ITGBL1: variants seen among roughly 807,000 people sequenced by gnomAD.
ITGBL1 encodes the protein integrin subunit beta like 1.
In ITGBL1, 51 loss-of-function variants were observed where a neutral mutation model predicts 68.5. The ratio of observed to expected loss-of-function variants is 0.74; its 90% CI spans 0.59 to 0.94. The LOEUF (loss-of-function observed/expected upper bound fraction) is 0.94. ITGBL1 is among the 40% of genes least tolerant of loss of function. The pLI, the probability that ITGBL1 is intolerant of heterozygous loss-of-function variation, is 0.00. For synonymous variants in ITGBL1, 209 were observed against 227.3 expected (o/e 0.92, Z 0.72); for missense variants, 649 against 647.4 (o/e 1.00, Z -0.03).
chr13:101,637,763 T>C (rs748169106), intron 7 of ITGBL1, among the ~76,000 whole-genome samples: 2 of 152,236 alleles, frequency 1.3e-5, no homozygotes, highest in Non-Finnish European at 2.9e-5. Flanking sequence ...GCATACCATA[T>C]CTGGCTACAG....
At chr13:101,506,595 C>G (rs1256339674) in intron 2 of ITGBL1, among the ~76,000 whole-genome samples, 1 of 152,202 alleles carries the variant, frequency 6.6e-6, no homozygotes, top group Non-Finnish European at 1.5e-5. Flanking sequence ...GCTTCCATAC[C>G]TCTACCAACC....
Position 101,514,609 on chromosome 13 carries a change from C to T in ITGBL1, c.317-53090C>T, listed in dbSNP as rs187163431. ...CAAATTAATTGTATCTATTAATAACCGTATCTGTTAATATTATGAAATTTC... is the reference window on the plus strand; with the variant it reads ...CAAATTAATTGTATCTATTAATAACTGTATCTGTTAATATTATGAAATTTC... On this transcript the variant is annotated intron_variant, in intron 2 of 10. Transcript: ENST00000376180. 3.9e-5 allele frequency among the ~76,000 whole-genome samples: 6 copies of T among 152,062 alleles called. No individual in the cohort carries two copies. In the East Asian group the frequency reaches 5.8e-4, roughly 15 times the overall value.
intron 6 of ITGBL1, among the ~76,000 whole-genome samples, chr13:101,595,417 A>G (rs1244782722): frequency 6.6e-6 from 1 of 152,152 alleles, no homozygotes; most frequent in East Asian, 1.9e-4. Context: ...ACCAGGCCCC[A>G]TCTCTAGTTT....
chr13:101,659,413 A>C (rs546825684), intron 7 of ITGBL1, among the ~76,000 whole-genome samples: 1 of 152,324 alleles, frequency 6.6e-6, no homozygotes, highest in East Asian at 1.9e-4. Flanking sequence ...TTCTCCCAGT[A>C]GCCTTTCTCA....
Position 101,532,574 on chromosome 13 carries a change from C to T in ITGBL1, c.317-35125C>T, listed in dbSNP as rs114429912. On this transcript the variant is annotated intron_variant, in intron 2 of 10. Coordinates refer to ENST00000376180, the MANE Select transcript of ITGBL1 (RefSeq NM_004791.3). ...CTGCTGGTGAAGTCTTCTTCACTCT[C>T]TGGTGCTTAAGATTAGAAAGAAAAA... Among the ~76,000 whole-genome samples, 3 of 152,210 alleles carry T rather than the reference C, an allele frequency of 2.0e-5. No homozygotes were observed. In the East Asian group the frequency reaches 5.8e-4, roughly 29 times the overall value.
chr13:101,677,200 A>AG (rs2033526650), intron 7 of ITGBL1, among the ~76,000 whole-genome samples: 2 of 152,190 alleles, frequency 1.3e-5, no homozygotes, highest in Non-Finnish European at 2.9e-5. Flanking sequence ...TTGTCGGCAG[A>AG]GGGGGAAAAA....
intron 7 of ITGBL1, among the ~76,000 whole-genome samples, chr13:101,663,470 C>T (rs1241880209): frequency 2.0e-5 from 3 of 152,182 alleles, no homozygotes; most frequent in African/African-American, 7.2e-5. Context: ...AAATGGGCCT[C>T]CCAGCTGCCA....
chr13:101,674,982 C>T (rs888777072), intron 7 of ITGBL1, among the ~76,000 whole-genome samples: 3 of 151,966 alleles, frequency 2.0e-5, no homozygotes, highest in Non-Finnish European at 4.4e-5. Flanking sequence ...CTGATAGGCT[C>T]CTCTGGTCAC....
At chr13:101,515,528 G>A (rs1353116256) in intron 2 of ITGBL1, among the ~76,000 whole-genome samples, 1 of 152,222 alleles carries the variant, frequency 6.6e-6, no homozygotes, top group Non-Finnish European at 1.5e-5. Flanking sequence ...ACTGAGACAT[G>A]CTGGGATACC....
chr13:101,611,403 A>G (rs1442148208), intron 7 of ITGBL1, among the ~76,000 whole-genome samples: 1 of 152,210 alleles, frequency 6.6e-6, no homozygotes, highest in African/African-American at 2.4e-5. Context: ...CTGACAGAAG[A>G]TGAGAAAACA....
At chr13:101,704,503 A>AAAAT (rs2034210290) in intron 8 of ITGBL1, among the ~76,000 whole-genome samples, 1 of 149,578 alleles carries the variant, frequency 6.7e-6, no homozygotes, top group Non-Finnish European at 1.5e-5. Flanking sequence ...AAAAAAAAAA[A>AAAAT]GTAGAAGAAT....
intron 7 of ITGBL1, among the ~76,000 whole-genome samples, chr13:101,621,113 C>T (rs1034811973): frequency 6.6e-6 from 1 of 152,154 alleles, no homozygotes; most frequent in Non-Finnish European, 1.5e-5. Context: ...CTGTTGACAC[C>T]TTTGTACCTA....
chr13:101,559,985 T>G (rs2050073010), intron 2 of ITGBL1, among the ~76,000 whole-genome samples: 1 of 152,326 alleles, frequency 6.6e-6, no homozygotes, highest in South Asian at 2.1e-4. Flanking sequence ...GTTGTCCACA[T>G]GAAAATGCTC....
chr13:101,524,443 G>T (rs1303065039), intron 2 of ITGBL1, among the ~76,000 whole-genome samples: 2 of 150,680 alleles, frequency 1.3e-5, no homozygotes, highest in African/African-American at 4.9e-5. Flanking sequence ...TGACACCAGG[G>T]CTTTATGTCT....
intron 2 of ITGBL1, among the ~76,000 whole-genome samples, chr13:101,511,725 G>A (rs1405513889): frequency 6.6e-6 from 1 of 152,024 alleles, no homozygotes; most frequent in African/African-American, 2.4e-5. Context: ...GTTGCTGGGA[G>A]GTAAAGTCTA....
rs1594944651 is a variant in ITGBL1, at chr13:101,635,916, A to G, written c.1015+37617A>G. ...ATAATTCAATCAGTATCTAAAGAAA[A>G]CTGAGAGGAAACAATTACTGTTTAC... is the stretch of plus-strand genomic sequence containing the variant. On this transcript the variant is annotated intron_variant, in intron 7 of 10. Coordinates refer to ENST00000376180, the MANE Select transcript of ITGBL1 (RefSeq NM_004791.3). Among the ~76,000 whole-genome samples the G allele has an allele frequency of 2.6e-5, 4 of 152,214 alleles. No homozygotes were observed. In the South Asian group the frequency reaches 8.3e-4, roughly 32 times the overall value.
intron 2 of ITGBL1, among the ~76,000 whole-genome samples, chr13:101,532,023 C>T (rs994214178): frequency 2.0e-5 from 3 of 152,080 alleles, no homozygotes; most frequent in Middle Eastern, 3.4e-3. Flanking sequence ...TGTGAGCCAC[C>T]GCGCCCGGCC....
intron 6 of ITGBL1, among the ~76,000 whole-genome samples, chr13:101,587,954 T>A (rs191732982): frequency 6.6e-6 from 1 of 150,986 alleles, no homozygotes; most frequent in Non-Finnish European, 1.5e-5. Context: ...TTCACAGGCA[T>A]TTTTTGATCC....
intron 2 of ITGBL1, among the ~76,000 whole-genome samples, chr13:101,540,412 A>G (rs1299927724): frequency 2.0e-5 from 3 of 152,050 alleles, no homozygotes; most frequent in Non-Finnish European, 4.4e-5. Context: ...ATTGGTCTAT[A>G]TCTCTGTTTT....
Sources: allele counts gnomAD v4.1 joint callset (sites outside exome capture counted in the v4.1 genomes callset), GRCh38; gene constraint gnomAD v4.1.1; transcripts MANE v1.5; gene names NCBI Gene and HGNC (gene_info 2026-07-23, HGNC 2026-07-21).